Variants in GALNTL6 observed in about 807,000 individuals in gnomAD.
GALNTL6 encodes the protein polypeptide N-acetylgalactosaminyltransferase like 6.
In GALNTL6, 46 loss-of-function variants were observed where a neutral mutation model predicts 73.7. That is an observed-to-expected ratio of 0.62 (90% CI 0.49 to 0.80). GALNTL6 has a LOEUF of 0.80. Among genes scored for constraint, GALNTL6 ranks in the 30% least tolerant of loss-of-function variants. The pLI, the probability that GALNTL6 is intolerant of heterozygous loss-of-function variation, is 0.00. For synonymous variants in GALNTL6, 259 were observed against 263.7 expected (o/e 0.98, Z 0.17); for missense variants, 604 against 755.0 (o/e 0.80, Z 2.34).
intron 5 of GALNTL6, among the ~76,000 whole-genome samples, chr4:172,590,119 C>A (rs1307305820): frequency 6.6e-6 from 1 of 152,188 alleles, no homozygotes; most frequent in Non-Finnish European, 1.5e-5. Flanking sequence ...TTCTCCTTCA[C>A]CTCAAGTCAC....
At chr4:172,774,939 G>A (rs1450234869) in intron 5 of GALNTL6, among the ~76,000 whole-genome samples, 1 of 149,476 alleles carries the variant, frequency 6.7e-6, no homozygotes, top group Non-Finnish European at 1.5e-5. Flanking sequence ...CAGCCTGGGT[G>A]ACAGAGCGAG....
chr4:172,936,334 G>A (rs1258043243), intron 9 of GALNTL6, among the ~76,000 whole-genome samples: 1 of 152,114 alleles, frequency 6.6e-6, no homozygotes, highest in African/African-American at 2.4e-5. Context: ...TACTAAATGG[G>A]CAAACGCTGG....
At chr4:171,944,774 A>G (rs983116748) in intron 2 of GALNTL6, among the ~76,000 whole-genome samples, 12 of 151,966 alleles carry the variant, frequency 7.9e-5, no homozygotes, top group African/African-American at 2.7e-4. Context: ...CAGTTTTAAC[A>G]CTCAAAAGAA....
chr4:173,010,187 C>A (rs1752483604), intron 11 of GALNTL6, among the ~76,000 whole-genome samples: 2 of 152,244 alleles, frequency 1.3e-5, no homozygotes, highest in Admixed American at 1.3e-4. Context: ...CCTCTGGTAA[C>A]CATCCTTCTA....
chr4:171,964,990 A>G (rs1739345244), intron 2 of GALNTL6, among the ~76,000 whole-genome samples: 1 of 152,226 alleles, frequency 6.6e-6, no homozygotes, highest in African/African-American at 2.4e-5. Flanking sequence ...TGACTACATC[A>G]CAGTCCTGCT....
rs540445785 is a variant in GALNTL6, at chr4:171,874,600, T to C, written c.138+59882T>C. 2.2e-4 allele frequency among the ~76,000 whole-genome samples: 34 copies of C among 152,274 alleles called. No homozygotes were observed. The South Asian group carries it at 6.8e-3, about 31-fold the overall frequency. On this transcript the variant is annotated intron_variant, in intron 2 of 12. Coordinates refer to ENST00000506823, the MANE Select transcript of GALNTL6 (RefSeq NM_001034845.3). ...CTGATCATCAACCATGGCTGGGAGATGGGGTCCCGTAAAATCATGGAGACA... is the reference window on the plus strand; with the variant it reads ...CTGATCATCAACCATGGCTGGGAGACGGGGTCCCGTAAAATCATGGAGACA...
chr4:172,887,457 G>C (rs1363794547), intron 8 of GALNTL6, among the ~76,000 whole-genome samples: 1 of 152,016 alleles, frequency 6.6e-6, no homozygotes, highest in African/African-American at 2.4e-5. Flanking sequence ...CCCAGTGGCT[G>C]AACTAATTTA....
intron 2 of GALNTL6, among the ~76,000 whole-genome samples, chr4:171,935,696 G>T (rs1041269328): frequency 6.6e-6 from 1 of 152,038 alleles, no homozygotes; most frequent in African/African-American, 2.4e-5. Flanking sequence ...CTATATTTTT[G>T]ATAACACTTT....
At chr4:171,858,788 A>G (rs1294981025) in intron 2 of GALNTL6, among the ~76,000 whole-genome samples, 3 of 152,094 alleles carry the variant, frequency 2.0e-5, no homozygotes, top group Non-Finnish European at 4.4e-5. Context: ...ACTGAAGCTA[A>G]CGTTTTCAAA....
intron 5 of GALNTL6, among the ~76,000 whole-genome samples, chr4:172,447,968 A>G (rs1028188113): frequency 1.3e-5 from 2 of 152,234 alleles, no homozygotes; most frequent in Non-Finnish European, 2.9e-5. Flanking sequence ...AGATTATTAT[A>G]AAGGGTGGAA....
intron 2 of GALNTL6, among the ~76,000 whole-genome samples, chr4:172,091,100 T>A (rs969691047): frequency 2.6e-5 from 4 of 152,054 alleles, no homozygotes; most frequent in Admixed American, 2.6e-4. Context: ...CTACAGTAAT[T>A]ACAAGTTTCT....
At position 172,142,873 on chromosome 4, in the gene GALNTL6, G is replaced by C. The variant is rs1383001367; in HGVS notation, c.139-86783G>C. On this transcript the variant is annotated intron_variant, in intron 2 of 12. Transcript: ENST00000506823. ...TGTATACATTAACAGAAAATACATT[G>C]AATACTATGGAGAGTTTTCTTTTTC... Among the ~76,000 whole-genome samples the C allele has an allele frequency of 2.6e-5, 4 of 152,010 alleles. No homozygotes were observed. In the East Asian group the frequency reaches 7.7e-4, roughly 29 times the overall value.
At chr4:172,854,576 T>C (rs1344168191) in intron 7 of GALNTL6, among the ~76,000 whole-genome samples, 1 of 152,138 alleles carries the variant, frequency 6.6e-6, no homozygotes, top group Non-Finnish European at 1.5e-5. Flanking sequence ...CCTATCAGAA[T>C]AGCCTAAATT....
intron 2 of GALNTL6, among the ~76,000 whole-genome samples, chr4:171,884,457 C>T (rs1177190142): frequency 3.9e-5 from 6 of 151,902 alleles, no homozygotes. Context: ...GCACAAGAAG[C>T]TTAGTGTCAT....
intron 7 of GALNTL6, among the ~76,000 whole-genome samples, chr4:172,871,908 C>T (rs917231614): frequency 3.9e-5 from 6 of 151,962 alleles, no homozygotes; most frequent in African/African-American, 1.2e-4. Context: ...CTCAGCCTCC[C>T]GATTAGCTCC....
intron 2 of GALNTL6, among the ~76,000 whole-genome samples, chr4:171,849,953 G>C (rs987405051): frequency 6.6e-6 from 1 of 152,188 alleles, no homozygotes; most frequent in Non-Finnish European, 1.5e-5. Flanking sequence ...ATATGAACTA[G>C]TGGAGAGTTA....
intron 2 of GALNTL6, among the ~76,000 whole-genome samples, chr4:171,923,230 T>C (rs1344906013): frequency 1.3e-5 from 2 of 152,112 alleles, no homozygotes; most frequent in Admixed American, 1.3e-4. Context: ...ATAATAATTC[T>C]TTTTCTTGAC....
chr4:171,935,920 C>G (rs747742859), intron 2 of GALNTL6, among the ~76,000 whole-genome samples: 3 of 152,076 alleles, frequency 2.0e-5, no homozygotes, highest in Non-Finnish European at 4.4e-5. Flanking sequence ...AATTTGGTAG[C>G]CTTCATGCCA....
chr4:172,215,131 T>C (rs1283409867), intron 2 of GALNTL6, among the ~76,000 whole-genome samples: 3 of 152,172 alleles, frequency 2.0e-5, no homozygotes, highest in African/African-American at 7.2e-5. Flanking sequence ...GAAAATTATT[T>C]GTATGATTTC....
Sources: gnomAD v4.1 joint callset for allele counts (sites outside exome capture counted in the v4.1 genomes callset) on GRCh38, gnomAD v4.1.1 for gene constraint, MANE v1.5 for transcripts, NCBI Gene and HGNC (gene_info 2026-07-23, HGNC 2026-07-21) for gene names.